CSMD1: variants seen among roughly 807,000 people sequenced by gnomAD.
The protein encoded by CSMD1 is CUB and Sushi multiple domains 1, also known as CUB and sushi domain-containing protein 1.
Under a neutral mutation model 417.5 loss-of-function variants are expected in CSMD1, and 213 were observed. The ratio of observed to expected loss-of-function variants is 0.51; its 90% CI spans 0.46 to 0.57. CSMD1 has a LOEUF of 0.57. CSMD1 is among the 20% of genes least tolerant of loss of function. The pLI, the probability that CSMD1 is intolerant of heterozygous loss-of-function variation, is 0.00. For synonymous variants in CSMD1, 2,862 were observed against 1,736.8 expected (o/e 1.65, Z -16.11); for missense variants, 6,923 against 4,529.7 (o/e 1.53, Z -15.17).
rs553486456 is a variant in CSMD1, at chr8:4,371,405, G to C, written c.415+48548C>G. Among the ~76,000 whole-genome samples the C allele has an allele frequency of 2.0e-5, 3 of 152,248 alleles. No homozygotes were observed. In the South Asian group the frequency reaches 6.2e-4, roughly 32 times the overall value. On this transcript the variant is annotated intron_variant, in intron 3 of 69. Transcript: ENST00000635120. Reference sequence around the variant, plus strand: ...TTTGTATTAAACATATTTTTATTCTGTTTAATTCAAGTAAGCATTAGGTTT... The same window carrying C: ...TTTGTATTAAACATATTTTTATTCTCTTTAATTCAAGTAAGCATTAGGTTT...
intron 3 of CSMD1, among the ~76,000 whole-genome samples, chr8:4,033,350 G>T (rs916412750): frequency 6.6e-6 from 1 of 152,120 alleles, no homozygotes; most frequent in African/African-American, 2.4e-5. Context: ...GCTGAGGCAG[G>T]AGAATGGCGT....
intron 1 of CSMD1, among the ~76,000 whole-genome samples, chr8:4,856,705 A>T (rs1801820932): frequency 1.3e-5 from 2 of 149,582 alleles, no homozygotes; most frequent in South Asian, 4.3e-4. Flanking sequence ...CAATTCAACA[A>T]GAAGAGCTAA....
At position 3,189,100 on chromosome 8, in the gene CSMD1, A is replaced by T. The variant is rs1232884679; in HGVS notation, c.5399-89T>A. On this transcript the variant is annotated intron_variant, in intron 34 of 69. Transcript: ENST00000635120. Reference sequence around the variant, plus strand: ...GTTTTCTTTCACTGTGTGACCACACAGTAAGAGAAAATGTACATGAACAAT... The same window carrying T: ...GTTTTCTTTCACTGTGTGACCACACTGTAAGAGAAAATGTACATGAACAAT... 6.3e-6 allele frequency: 8 copies of T among 1,263,062 alleles called. No homozygotes were observed. In the South Asian group the frequency reaches 1.4e-4, roughly 23 times the overall value. 78.2% of individuals were successfully genotyped at this position (1,263,062 alleles called of 1,614,324 possible). A position where few individuals can be genotyped will look rare whatever the true frequency, so the allele number is the denominator to read the frequency against.
At chr8:3,841,758 A>C (rs78698192) in intron 5 of CSMD1, among the ~76,000 whole-genome samples, 1 of 152,116 alleles carries the variant, frequency 6.6e-6, no homozygotes, top group Admixed American at 6.6e-5. Context: ...AGCTACATTA[A>C]TAACATCCAC....
At chr8:3,909,047 C>T (rs543318899) in intron 5 of CSMD1, among the ~76,000 whole-genome samples, 94 of 152,070 alleles carry the variant, frequency 6.2e-4, no homozygotes, top group Non-Finnish European at 1.2e-3. Context: ...GGGTGAAATG[C>T]GGGGAGCAGC....
At chr8:3,645,637 T>C (rs1041140222) in intron 7 of CSMD1, among the ~76,000 whole-genome samples, 3 of 152,214 alleles carry the variant, frequency 2.0e-5, no homozygotes, top group South Asian at 4.2e-4. Context: ...CCTTCTGCAT[T>C]TGTAGAAATC....
chr8:4,413,371 T>G (rs1180721160), intron 3 of CSMD1, among the ~76,000 whole-genome samples: 3 of 152,094 alleles, frequency 2.0e-5, no homozygotes, highest in African/African-American at 7.2e-5. Flanking sequence ...TCCGACACAT[T>G]AGAAGTCACA....
At chr8:3,689,153 G>A (rs2624077) in intron 7 of CSMD1, among the ~76,000 whole-genome samples, 21,302 of 152,114 alleles carry the variant, frequency 0.14, 1,600 homozygotes, top group African/African-American at 0.21. Flanking sequence ...GTGAGACAAC[G>A]CGCTCTAAGG....
intron 1 of CSMD1, among the ~76,000 whole-genome samples, chr8:4,963,211 T>C (rs1809628515): frequency 6.6e-6 from 1 of 152,180 alleles, no homozygotes; most frequent in Non-Finnish European, 1.5e-5. Flanking sequence ...TACTTATTTA[T>C]TTTATTTGAG....
chr8:4,445,543 G>A (rs1388116081), intron 2 of CSMD1, among the ~76,000 whole-genome samples: 1 of 152,162 alleles, frequency 6.6e-6, no homozygotes, highest in African/African-American at 2.4e-5. Context: ...TGGGTAGCTT[G>A]TGTGATAAAA....
intron 3 of CSMD1, among the ~76,000 whole-genome samples, chr8:4,288,990 A>T (rs1030415107): frequency 9.9e-5 from 15 of 152,210 alleles, no homozygotes; most frequent in Non-Finnish European, 1.6e-4. Flanking sequence ...AAAATAATTT[A>T]AAAACACAGC....
chr8:3,177,050 T>C (rs1449218722), intron 37 of CSMD1, among the ~76,000 whole-genome samples: 2 of 152,012 alleles, frequency 1.3e-5, no homozygotes, highest in African/African-American at 2.4e-5. Flanking sequence ...AGTGCTTGGA[T>C]TATAAGCATG....
At chr8:3,485,440 T>C (rs1817970415) in intron 11 of CSMD1, among the ~76,000 whole-genome samples, 2 of 151,622 alleles carry the variant, frequency 1.3e-5, no homozygotes, top group African/African-American at 2.4e-5. Context: ...ATGAGGGAAC[T>C]TTGGGGTATT....
chr8:4,134,135 T>C lies in CSMD1; in HGVS notation c.416-102036A>G, dbSNP rs527804618. On this transcript the variant is annotated intron_variant, in intron 3 of 69. Transcript: ENST00000635120. Reference sequence around the variant, plus strand: ...TATAAGAATATCAAATTTTCTTTTATGATTTAATGACATTGAAACTCATGT... The same window carrying C: ...TATAAGAATATCAAATTTTCTTTTACGATTTAATGACATTGAAACTCATGT... Among the ~76,000 whole-genome samples, 85 of 152,340 alleles carry C rather than the reference T, an allele frequency of 5.6e-4. 1 individual carries two copies. The South Asian group carries it at 0.01, about 19-fold the overall frequency.
intron 21 of CSMD1, among the ~76,000 whole-genome samples, chr8:3,350,187 A>AATT (rs1808321775): frequency 7.8e-6 from 1 of 128,364 alleles, no homozygotes; most frequent in Admixed American, 8.2e-5. Context: ...AATAACCTAT[A>AATT]ACTTGTGTAT....
intron 19 of CSMD1, among the ~76,000 whole-genome samples, chr8:3,369,011 T>C (rs1293596054): frequency 6.6e-6 from 1 of 152,218 alleles, no homozygotes; most frequent in Non-Finnish European, 1.5e-5. Context: ...TTCAAGCTTA[T>C]GTTCACATGC....
At chr8:3,350,568 T>G (rs897477190) in intron 21 of CSMD1, among the ~76,000 whole-genome samples, 1 of 152,208 alleles carries the variant, frequency 6.6e-6, no homozygotes, top group Non-Finnish European at 1.5e-5. Context: ...TTCACACTAC[T>G]GTTCATAATT....
chr8:3,288,511 TC>T (rs1803317253), intron 25 of CSMD1, among the ~76,000 whole-genome samples: 5 of 147,318 alleles, frequency 3.4e-5, no homozygotes, highest in African/African-American at 1.3e-4. Flanking sequence ...TTCAACTTCT[TC>T]CTGGTTTAGT....
At chr8:3,844,281 G>C (rs971935939) in intron 5 of CSMD1, among the ~76,000 whole-genome samples, 3 of 152,168 alleles carry the variant, frequency 2.0e-5, no homozygotes, top group South Asian at 2.1e-4. Context: ...GTGATATTTA[G>C]TGAGTCAAGG....
Sources: allele counts gnomAD v4.1 joint callset (sites outside exome capture counted in the v4.1 genomes callset), GRCh38; gene constraint gnomAD v4.1.1; transcripts MANE v1.5; gene names NCBI Gene and HGNC (gene_info 2026-07-23, HGNC 2026-07-21).